CDH18: variants seen among roughly 807,000 people sequenced by gnomAD.
CDH18 encodes cadherin 18, also known as cadherin-18.
In CDH18, 31 loss-of-function variants were observed where a neutral mutation model predicts 67.9. That is an observed-to-expected ratio of 0.46 (90% CI 0.34 to 0.62). The LOEUF (loss-of-function observed/expected upper bound fraction) is 0.62. Ranked by LOEUF, CDH18 falls within the 20% of genes least tolerant of loss-of-function variation. CDH18 has a pLI of 0.01. For missense variants in CDH18, 890 were observed against 975.5 expected (o/e 0.91, Z 1.17); for synonymous variants, 362 against 347.2 (o/e 1.04, Z -0.48).
At chr5:20,010,391 T>G (rs1465384773) in intron 2 of CDH18, among the ~76,000 whole-genome samples, 1 of 152,062 alleles carries the variant, frequency 6.6e-6, no homozygotes, top group Non-Finnish European at 1.5e-5. Context: ...GTATTTTTAG[T>G]AGACACAGGG....
intron 5 of CDH18, among the ~76,000 whole-genome samples, chr5:19,633,658 C>T (rs1752715978): frequency 6.6e-6 from 1 of 151,750 alleles, no homozygotes; most frequent in Non-Finnish European, 1.5e-5. Context: ...GAGACAGGGT[C>T]TCTCTCTCTC....
chr5:20,018,410 C>A (rs949939228), intron 2 of CDH18, among the ~76,000 whole-genome samples: 4 of 152,140 alleles, frequency 2.6e-5, no homozygotes, highest in African/African-American at 4.8e-5. Flanking sequence ...AAACAAGATT[C>A]TTTTGTCTAG....
chr5:20,234,021 CT>C lies in CDH18; in HGVS notation c.-518+21422del, dbSNP rs551644009. 3.8e-3 allele frequency among the ~76,000 whole-genome samples: 574 copies of C among 152,140 alleles called. 1 individual carries two copies. The highest frequency in any genetic ancestry group is 6.1e-3 in the Non-Finnish European group (414 of 67,992). ...CTCTGTTTCTCTCTTTTTTCCCAAA[CT>C]CACATGTACCATAATAACAACACTT... On this transcript the variant is annotated intron_variant, in intron 2 of 14. Transcript: ENST00000507958.
At chr5:20,549,237 A>C (rs775929669) in intron 1 of CDH18, among the ~76,000 whole-genome samples, 1 of 152,140 alleles carries the variant, frequency 6.6e-6, no homozygotes, top group Non-Finnish European at 1.5e-5. Context: ...ATAAACTTTT[A>C]TATGTGGTTT....
chr5:19,584,793 C>CAAAAAAAAAAAAAAAAAAG (rs1743847574), intron 7 of CDH18, among the ~76,000 whole-genome samples: 1 of 75,134 alleles, frequency 1.3e-5, no homozygotes, highest in African/African-American at 5.4e-5. Context: ...ACTAAAAATA[C>CAAAAAAAAAAAAAAAAAAG]AAAAAAAAAA....
intron 3 of CDH18, among the ~76,000 whole-genome samples, chr5:19,792,163 T>TA (rs1776429854): frequency 6.6e-6 from 1 of 152,102 alleles, no homozygotes; most frequent in South Asian, 2.1e-4. Flanking sequence ...AATTAGTAGA[T>TA]AGAGTAAAAA....
At chr5:20,388,793 G>T (rs6878925) in intron 1 of CDH18, among the ~76,000 whole-genome samples, 1 of 152,148 alleles carries the variant, frequency 6.6e-6, no homozygotes, top group Non-Finnish European at 1.5e-5. Flanking sequence ...TTTCTGCCTT[G>T]ATTTCGTTAT....
chr5:19,689,971 A>G (rs1294300557), intron 5 of CDH18, among the ~76,000 whole-genome samples: 1 of 151,736 alleles, frequency 6.6e-6, no homozygotes, highest in Admixed American at 6.6e-5. Context: ...AGTTATACTT[A>G]GATAAAAACA....
At chr5:20,349,763 C>T (rs185909644) in intron 1 of CDH18, among the ~76,000 whole-genome samples, 182 of 152,168 alleles carry the variant, frequency 1.2e-3, no homozygotes, top group African/African-American at 4.1e-3. Context: ...TACATTTTGT[C>T]AGACCTAAGA....
At chr5:19,685,081 C>A (rs1284183331) in intron 5 of CDH18, among the ~76,000 whole-genome samples, 1 of 152,262 alleles carries the variant, frequency 6.6e-6, no homozygotes, top group East Asian at 1.9e-4. Flanking sequence ...ATAACTGAAT[C>A]TTGCACTTTA....
chr5:19,699,213 T>C (rs1470343464), intron 5 of CDH18, among the ~76,000 whole-genome samples: 16 of 152,174 alleles, frequency 1.1e-4, no homozygotes, highest in Admixed American at 1.0e-3. Context: ...AATCTCTTAT[T>C]ACACTCATAT....
intron 8 of CDH18, among the ~76,000 whole-genome samples, chr5:19,571,313 T>C (rs1741345800): frequency 6.6e-6 from 1 of 152,120 alleles, no homozygotes; most frequent in South Asian, 2.1e-4. Flanking sequence ...ATTTTCTCAA[T>C]CAATTACGCT....
intron 4 of CDH18, among the ~76,000 whole-genome samples, chr5:19,739,047 A>G (rs1768742845): frequency 6.6e-6 from 1 of 152,236 alleles, no homozygotes; most frequent in South Asian, 2.1e-4. Flanking sequence ...ACGAAGTTAA[A>G]GATATATAAA....
intron 1 of CDH18, among the ~76,000 whole-genome samples, chr5:20,393,020 A>T (rs978535039): frequency 6.6e-5 from 10 of 151,910 alleles, no homozygotes; most frequent in African/African-American, 2.4e-4. Context: ...ATCCAGAATG[A>T]TATTCATACA....
intron 8 of CDH18, among the ~76,000 whole-genome samples, chr5:19,549,399 G>A (rs1736939641): frequency 6.6e-6 from 1 of 152,090 alleles, no homozygotes. Flanking sequence ...CATGCTTCCT[G>A]CACACTCTGC....
intron 5 of CDH18, among the ~76,000 whole-genome samples, chr5:19,708,622 A>G (rs562249795): frequency 6.6e-6 from 1 of 152,328 alleles, no homozygotes; most frequent in East Asian, 1.9e-4. Context: ...TGGCCCACTC[A>G]GGGCAGAAAA....
intron 2 of CDH18, among the ~76,000 whole-genome samples, chr5:20,080,935 A>C (rs1580193860): frequency 6.6e-6 from 1 of 152,090 alleles, no homozygotes; most frequent in Non-Finnish European, 1.5e-5. Flanking sequence ...CATTCCCTCT[A>C]ATATTGCATT....
At chr5:20,469,984 A>G (rs1751934360) in intron 1 of CDH18, among the ~76,000 whole-genome samples, 1 of 152,100 alleles carries the variant, frequency 6.6e-6, no homozygotes, top group Non-Finnish European at 1.5e-5. Flanking sequence ...TCTGATAGTC[A>G]TAACCTAGAT....
intron 1 of CDH18, among the ~76,000 whole-genome samples, chr5:20,469,783 C>T (rs1271469063): frequency 6.6e-6 from 1 of 152,150 alleles, no homozygotes; most frequent in African/African-American, 2.4e-5. Context: ...TCCCTCATTA[C>T]TGCATCCTTT....
Sources: gnomAD v4.1 joint callset for allele counts (sites outside exome capture counted in the v4.1 genomes callset) on GRCh38, gnomAD v4.1.1 for gene constraint, MANE v1.5 for transcripts, NCBI Gene and HGNC (gene_info 2026-07-23, HGNC 2026-07-21) for gene names.